The following CPZ variants were observed in gnomAD, a reference collection of about 807,000 sequenced individuals.
CPZ encodes the protein VEZT/CPZ fusion.
Under a neutral mutation model 61.8 loss-of-function variants are expected in CPZ, and 103 were observed. The observed-to-expected ratio is 1.67, with a 90% CI of 1.42 to 1.96. CPZ has a LOEUF of 1.96. Ranked by LOEUF, CPZ falls within the 30% of genes most tolerant of loss-of-function variation. The probability of loss-of-function intolerance (pLI) is 0.00; values close to 1 mark genes in which losing one functional copy is unlikely to be tolerated. For synonymous variants in CPZ, 551 were observed against 373.7 expected (o/e 1.47, Z -5.47); for missense variants, 1,461 against 914.9 (o/e 1.60, Z -7.70).
At chr4:8,615,260 A>C (rs371818667) in intron 9 of CPZ, among the ~76,000 whole-genome samples, 155 of 152,066 alleles carry the variant, frequency 1.0e-3, no homozygotes, top group African/African-American at 3.5e-3. Flanking sequence ...TGCCCCAGAG[A>C]GCCAAGGTCT....
intron 3 of CPZ, chr4:8,603,628 C>G: frequency 3.2e-6 from 1 of 308,532 alleles, no homozygotes; most frequent in Non-Finnish European, 5.9e-6. Context: ...AAAATCCCCT[C>G]TGCACACCCA....
At chr4:8,608,216 G>A (rs897449417) in intron 7 of CPZ, among the ~76,000 whole-genome samples, 5 of 146,984 alleles carry the variant, frequency 3.4e-5, no homozygotes, top group South Asian at 4.6e-4. Flanking sequence ...CCACTCCACC[G>A]GAGGCTGGGC....
chr4:8,594,063 GCCT>G (rs1324224211), intron 1 of CPZ, among the ~76,000 whole-genome samples: 2 of 152,188 alleles, frequency 1.3e-5, no homozygotes, highest in African/African-American at 2.4e-5. Flanking sequence ...AAGAAATGCA[GCCT>G]CCTCCTCTGC....
intron 10 of CPZ, 82 bp downstream of exon 10, chr4:8,618,610 TCACA>T (rs1716415880): frequency 1.5e-6 from 2 of 1,305,746 alleles, no homozygotes; most frequent in African/African-American, 2.9e-5. Flanking sequence ...CCTCAGGCAC[TCACA>T]GTGTGCCCAG....
At chr4:8,616,170 G>T (rs531007163) in intron 9 of CPZ, among the ~76,000 whole-genome samples, 1 of 152,326 alleles carries the variant, frequency 6.6e-6, no homozygotes, top group East Asian at 1.9e-4. Context: ...ACGTCTTACA[G>T]GAGACCTGGG....
intron 4 of CPZ, among the ~76,000 whole-genome samples, chr4:8,605,483 T>A (rs1714889301): frequency 6.6e-6 from 1 of 151,734 alleles, no homozygotes; most frequent in Non-Finnish European, 1.5e-5. Context: ...TGCATCAATT[T>A]ATCCATTATT....
Position 8,612,141 on chromosome 4 carries a change from G to A in CPZ, c.1342G>A (p.Asp448Asn), listed in dbSNP as rs377693822. ...GAGGGGGAGCATCATCAACGGGGCG[G>A]ACTGGTACAGCTTCACGGGAGGTGC... ...LKRGSIINGADWYSFTGGMSD... is the reference protein window; with the variant it reads ...LKRGSIINGANWYSFTGGMSD... The change falls in exon 8 of 11, where the codon GAC (aspartate) becomes AAC (asparagine). Residue 448 changes from aspartate (D) to asparagine (N), a missense_variant. Coordinates refer to ENST00000360986, the MANE Select transcript of CPZ (RefSeq NM_001014447.3). 19 of 1,543,962 alleles carry A rather than the reference G, an allele frequency of 1.2e-5. No individual in the cohort carries two copies. The East Asian group carries it at 1.3e-4, about 10-fold the overall frequency.
chr4:8,614,577 C>T (rs1716005952), intron 9 of CPZ, 79 bp downstream of exon 9: 30 of 1,492,780 alleles, frequency 2.0e-5, no homozygotes, highest in Non-Finnish European at 2.5e-5. Flanking sequence ...CCAGGGCAGC[C>T]CCCGTAGCCT....
At chr4:8,600,525 T>G (rs1175344444) in intron 2 of CPZ, among the ~76,000 whole-genome samples, 1 of 152,174 alleles carries the variant, frequency 6.6e-6, no homozygotes, top group East Asian at 1.9e-4. Context: ...ATGGGGCTTT[T>G]GGAGCTAAAC....
At chr4:8,606,428 T>C (rs1172836794) in intron 5 of CPZ, among the ~76,000 whole-genome samples, 5 of 151,824 alleles carry the variant, frequency 3.3e-5, no homozygotes, top group African/African-American at 9.7e-5. Context: ...AGGGAGTCGA[T>C]GGTGCCCGTG....
rs752771489 is a variant in CPZ at position 8,619,288 on chromosome 4, C to T, written c.1630C>T (p.Leu544=). 14 of 1,612,930 alleles carry T rather than the reference C, an allele frequency of 8.7e-6. No individual in the cohort carries two copies. The highest frequency in any genetic ancestry group is 1.3e-5 in the African/African-American group (1 of 74,862). The change falls in exon 11 of 11, where the codon CTG becomes TTG. Residue 544 remains leucine, a synonymous_variant. Coordinates refer to ENST00000360986, the MANE Select transcript of CPZ (RefSeq NM_001014447.3). ...TAPDGDYWRL[L]PPGIHIVIAQ... is the part of the protein sequence containing the mutation. ...CCCAGATGGTGACTACTGGAGACTG[C>T]TGCCCCCAGGTATCCACATTGTCAT...
rs1470902005 is a variant in CPZ, at chr4:8,592,769, C to T, written c.-65C>T. On this transcript the variant is annotated 5_prime_UTR_variant, in exon 1 of 11. Transcript: ENST00000360986. ...GGGCGGGAGCCCAGCGAGCGCAGAG[C>T]CCCGGCCCCGCGCGGCCCGAGTGCC... The T allele has an allele frequency of 5.8e-6, 7 of 1,207,220 alleles. No homozygotes were observed. In the East Asian group the frequency reaches 1.3e-4, roughly 22 times the overall value. The allele number at this position is 1,207,220 out of a possible 1,614,324, so 74.8% of individuals were successfully genotyped here.
chr4:8,608,293 T>A (rs967756086), intron 7 of CPZ, among the ~76,000 whole-genome samples: 1 of 152,146 alleles, frequency 6.6e-6, no homozygotes, highest in East Asian at 1.9e-4. Context: ...GAGCCAGGCC[T>A]GCCCTCCACC....
chr4:8,618,487 C>G lies in CPZ; in HGVS notation c.1562C>G (p.Ala521Gly), dbSNP rs776552997. 2 of 1,614,178 alleles carry G rather than the reference C, an allele frequency of 1.2e-6. No individual in the cohort carries two copies. Among genetic ancestry groups the G allele is most frequent in the Non-Finnish European group, 1.7e-6 (2 of 1,180,040 alleles). ...TDKFGKPVKN[A>G]RISVKGIRHD... ...AAATTCGGCAAGCCAGTCAAAAACG[C>G]CCGGATCTCAGTCAAAGGCATTCGC... Residue 521 changes from alanine to glycine, a missense_variant, in exon 10 of 11, where the codon GCC becomes GGC. Physicochemically the swap from Ala to Gly is moderately conservative, Grantham distance 60. Coordinates refer to ENST00000360986, the MANE Select transcript of CPZ (RefSeq NM_001014447.3).
chr4:8,614,376 T>A lies in CPZ; in HGVS notation c.1381T>A (p.Tyr461Asn). The A allele has an allele frequency of 6.2e-7, 1 of 1,613,696 alleles. No homozygotes were observed. The highest frequency in any genetic ancestry group is 8.5e-7 in the Non-Finnish European group (1 of 1,179,788). The change falls in exon 9 of 11, where the codon TAC (tyrosine) becomes AAC (asparagine). Residue 461 changes from tyrosine (Y) to asparagine (N), a missense_variant. By Grantham distance (143) the Tyr-to-Asn change is moderately radical. Coordinates refer to ENST00000360986, the MANE Select transcript of CPZ (RefSeq NM_001014447.3). ...SFTGGMSDFN[Y>N]LHTNCFEITV... ...TGCCACAGGCATGTCCGATTTCAACTACCTGCACACCAACTGCTTTGAGAT... is the reference window on the plus strand; with the variant it reads ...TGCCACAGGCATGTCCGATTTCAACAACCTGCACACCAACTGCTTTGAGAT...
intron 7 of CPZ, 95 bp from the exon 8 acceptor site, chr4:8,611,932 G>C (rs186451516): frequency 1.3e-6 from 2 of 1,557,064 alleles, no homozygotes; most frequent in East Asian, 2.3e-5. Context: ...TGCAATGCAG[G>C]TGTTTGCACG....
At chr4:8,605,926 C>T (rs1260293343) in intron 4 of CPZ, 63 bp from the exon 5 acceptor site, 3 of 1,520,044 alleles carry the variant, frequency 2.0e-6, no homozygotes, top group African/African-American at 2.7e-5. Context: ...AGTGGGGGGG[C>T]CTCATGCCTT....
In CPZ at chr4:8,606,966, C is replaced by G. The variant is rs1247674242; in HGVS notation, c.1068+68C>G. The G allele has an allele frequency of 2.0e-6, 3 of 1,498,908 alleles. No individual in the cohort carries two copies. In the African/African-American group the frequency reaches 4.2e-5, roughly 21 times the overall value. The allele number at this position is 1,498,908 out of a possible 1,614,324, so 92.9% of individuals were successfully genotyped here. On this transcript the variant is annotated intron_variant, in intron 6 of 10. Coordinates refer to ENST00000360986, the MANE Select transcript of CPZ (RefSeq NM_001014447.3). Reference sequence around the variant, plus strand: ...CAGGGGTCCCTAGTTATTCCAGGCTCTCTGGAGTTGTCCTTCCCTGGGGAC... The same window carrying G: ...CAGGGGTCCCTAGTTATTCCAGGCTGTCTGGAGTTGTCCTTCCCTGGGGAC...
intron 7 of CPZ, among the ~76,000 whole-genome samples, chr4:8,608,059 A>G (rs1005867971): frequency 1.4e-5 from 2 of 140,856 alleles, no homozygotes; most frequent in Admixed American, 1.4e-4. Flanking sequence ...GAGGGCGCGG[A>G]GTTGGTCCGT....
Sources: gnomAD v4.1 joint callset for allele counts (sites outside exome capture counted in the v4.1 genomes callset) on GRCh38, gnomAD v4.1.1 for gene constraint, MANE v1.5 for transcripts, NCBI Gene and HGNC (gene_info 2026-07-23, HGNC 2026-07-21) for gene names.